Variants in COMMD10 observed in about 807,000 individuals in gnomAD.
The protein encoded by COMMD10 is COMM domain containing 10, also known as COMM domain-containing protein 10.
COMMD10 carries 33 observed loss-of-function variants against 28.9 expected under a neutral mutation model. The ratio of observed to expected loss-of-function variants is 1.14; its 90% confidence interval spans 0.87 to 1.53. The LOEUF (loss-of-function observed/expected upper bound fraction) is 1.53. Ranked by LOEUF, COMMD10 falls within the 40% of genes most tolerant of loss-of-function variation. COMMD10 has a pLI of 0.00. For missense variants in COMMD10, 310 were observed against 233.4 expected (o/e 1.33, Z -2.14); for synonymous variants, 110 against 81.7 (o/e 1.35, Z -1.87).
At chr5:116,202,091 G>A (rs959311386) in intron 5 of COMMD10, among the ~76,000 whole-genome samples, 2 of 136,214 alleles carry the variant, frequency 1.5e-5, no homozygotes, top group African/African-American at 2.8e-5. Context: ...CTGTGTCCAT[G>A]TGTTCTCATT....
chr5:116,264,392 GA>G (rs769865573), intron 5 of COMMD10, among the ~76,000 whole-genome samples: 1 of 151,786 alleles, frequency 6.6e-6, no homozygotes, highest in Non-Finnish European at 1.5e-5. Context: ...TTAGCATCAG[GA>G]TATCCCTTCA....
intron 5 of COMMD10, among the ~76,000 whole-genome samples, chr5:116,269,727 T>A (rs917456053): frequency 6.6e-6 from 1 of 151,818 alleles, no homozygotes; most frequent in Non-Finnish European, 1.5e-5. Context: ...AAAGTATTGA[T>A]TTTTGCCAAT....
At chr5:116,267,536 C>T (rs888672059) in intron 5 of COMMD10, among the ~76,000 whole-genome samples, 24 of 151,808 alleles carry the variant, frequency 1.6e-4, no homozygotes, top group African/African-American at 4.9e-4. Context: ...AGGTAATTTA[C>T]AGATTCAATG....
chr5:116,191,501 ACGCCTGTGACTGCCAG>A (rs1331020538), intron 5 of COMMD10, among the ~76,000 whole-genome samples: 1 of 151,542 alleles, frequency 6.6e-6, no homozygotes, highest in Non-Finnish European at 1.5e-5. Context: ...GAGCTGGGTG[ACGCCTGTGACTGCCAG>A]CTTTCCCCCA....
chr5:116,170,098 C>T (rs1384121981), intron 5 of COMMD10, among the ~76,000 whole-genome samples: 1 of 152,152 alleles, frequency 6.6e-6, no homozygotes, highest in Non-Finnish European at 1.5e-5. Context: ...CACATTGTCT[C>T]AGCCCAAAAT....
At chr5:116,105,747 G>C (rs1379156233) in intron 4 of COMMD10, among the ~76,000 whole-genome samples, 1 of 152,190 alleles carries the variant, frequency 6.6e-6, no homozygotes, top group Non-Finnish European at 1.5e-5. Flanking sequence ...TATTTGCGTA[G>C]ATGTGTTTCT....
intron 5 of COMMD10, among the ~76,000 whole-genome samples, chr5:116,178,056 G>C (rs923689144): frequency 5.3e-5 from 8 of 152,064 alleles, no homozygotes; most frequent in African/African-American, 1.7e-4. Flanking sequence ...GGGCTCTTTT[G>C]TGTTTTCTGC....
At chr5:116,214,754 A>G (rs953840562) in intron 5 of COMMD10, among the ~76,000 whole-genome samples, 7 of 152,300 alleles carry the variant, frequency 4.6e-5, no homozygotes, top group African/African-American at 1.4e-4. Flanking sequence ...AGTATACATT[A>G]ACATAGGAAA....
At chr5:116,152,688 A>T (rs1432187469) in intron 5 of COMMD10, among the ~76,000 whole-genome samples, 4 of 152,078 alleles carry the variant, frequency 2.6e-5, no homozygotes. Context: ...GTCTTTTTTT[A>T]AAATGAGAAA....
intron 4 of COMMD10, among the ~76,000 whole-genome samples, chr5:116,112,269 T>C (rs1751069813): frequency 1.3e-5 from 2 of 152,242 alleles, no homozygotes; most frequent in Admixed American, 6.5e-5. Context: ...GATAAAAATA[T>C]AGCTACCTCT....
chr5:116,127,035 G>A (rs1751675005), intron 4 of COMMD10, among the ~76,000 whole-genome samples: 1 of 152,148 alleles, frequency 6.6e-6, no homozygotes. Flanking sequence ...AACTGACAAA[G>A]GGCTAATATC....
intron 5 of COMMD10, among the ~76,000 whole-genome samples, chr5:116,240,315 G>C (rs1020986324): frequency 6.6e-6 from 1 of 152,030 alleles, no homozygotes; most frequent in Non-Finnish European, 1.5e-5. Flanking sequence ...ATGGAGAAGA[G>C]AGAAAAGAAT....
chr5:116,262,763 C>T (rs1750482491), intron 5 of COMMD10, among the ~76,000 whole-genome samples: 1 of 151,706 alleles, frequency 6.6e-6, no homozygotes, highest in Non-Finnish European at 1.5e-5. Context: ...TTACTCATTC[C>T]CAAAATGACC....
At chr5:116,259,616 A>T (rs1750386919) in intron 5 of COMMD10, among the ~76,000 whole-genome samples, 1 of 151,652 alleles carries the variant, frequency 6.6e-6, no homozygotes, top group African/African-American at 2.4e-5. Context: ...TTATTTCATC[A>T]GCCCAAATGA....
At chr5:116,122,660 G>A (rs935890395) in intron 4 of COMMD10, among the ~76,000 whole-genome samples, 1 of 152,148 alleles carries the variant, frequency 6.6e-6, no homozygotes, top group Non-Finnish European at 1.5e-5. Context: ...ATTTCATTGA[G>A]CAGTGGTTTG....
intron 5 of COMMD10, among the ~76,000 whole-genome samples, chr5:116,245,150 C>T (rs886941080): frequency 6.6e-6 from 1 of 151,708 alleles, no homozygotes; most frequent in Non-Finnish European, 1.5e-5. Context: ...TAAACACAAT[C>T]AGAAATGATA....
chr5:116,085,425 G>A, intron 1 of COMMD10: 1 of 360,588 alleles, frequency 2.8e-6, no homozygotes, highest in Admixed American at 4.7e-5. Context: ...CTTCAGTGCT[G>A]CCGAATCACG....
chr5:116,190,653 C>T (rs914300594), intron 5 of COMMD10, among the ~76,000 whole-genome samples: 1 of 152,140 alleles, frequency 6.6e-6, no homozygotes, highest in African/African-American at 2.4e-5. Context: ...TAAAGTCTTG[C>T]TACCATGTTT....
intron 5 of COMMD10, among the ~76,000 whole-genome samples, chr5:116,265,587 G>C (rs1320715257): frequency 2.0e-5 from 3 of 151,702 alleles, no homozygotes; most frequent in East Asian, 1.9e-4. Context: ...AAAAATTCAA[G>C]TTAACAAGCA....
Sources: gnomAD v4.1 joint callset for allele counts (sites outside exome capture counted in the v4.1 genomes callset) on GRCh38, gnomAD v4.1.1 for gene constraint, MANE v1.5 for transcripts, NCBI Gene and HGNC (gene_info 2026-07-23, HGNC 2026-07-21) for gene names.